SGCD: variants seen among roughly 807,000 people sequenced by gnomAD.
SGCD encodes the protein delta-sarcoglycan.
In SGCD, 18 loss-of-function variants were observed where a neutral mutation model predicts 36.6. The ratio of observed to expected loss-of-function variants is 0.49; its 90% confidence interval spans 0.34 to 0.73. The LOEUF (loss-of-function observed/expected upper bound fraction) is 0.73, where lower values mean the gene tolerates loss of function less well. Ranked by LOEUF, SGCD falls within the 30% of genes least tolerant of loss-of-function variation. The probability of loss-of-function intolerance (pLI) is 0.01; values close to 1 mark genes in which losing one functional copy is unlikely to be tolerated. For synonymous variants in SGCD, 133 were observed against 130.6 expected (o/e 1.02, Z -0.12); for missense variants, 387 against 346.7 (o/e 1.12, Z -0.92).
chr5:156,644,392 T>C (rs1763153305), intron 6 of SGCD, among the ~76,000 whole-genome samples: 1 of 152,152 alleles, frequency 6.6e-6, no homozygotes, highest in Non-Finnish European at 1.5e-5. Context: ...GGTCAGTCTT[T>C]GGAGTTTTAA....
At chr5:155,849,322 C>G in the SGCD span, among the ~76,000 whole-genome samples, 2 of 152,048 alleles carry the variant, frequency 1.3e-5, no homozygotes, top group East Asian at 3.9e-4. Flanking sequence ...GCTAAAAATG[C>G]TAATTTTTAA....
intron 1 of SGCD, among the ~76,000 whole-genome samples, chr5:156,071,383 G>T (rs1437967992): frequency 3.3e-4 from 50 of 152,050 alleles, no homozygotes; most frequent in East Asian, 1.7e-3. Context: ...TTCATTTCGT[G>T]ATGTACCCAG....
At chr5:156,705,604 T>C (rs539167963) in intron 7 of SGCD, among the ~76,000 whole-genome samples, 12 of 152,288 alleles carry the variant, frequency 7.9e-5, no homozygotes, top group African/African-American at 2.9e-4. Context: ...CCTTTTGATC[T>C]GCAAATGGAG....
At position 156,526,262 on chromosome 5, in the gene SGCD, A is replaced by G. The variant is rs189044242; in HGVS notation, c.294+17560A>G. On this transcript the variant is annotated intron_variant, in intron 4 of 8. Coordinates refer to ENST00000337851, the MANE Select transcript of SGCD (RefSeq NM_000337.6). ...GGATTCTGAGTGCTGTTTATGAGGG[A>G]AAAAAAAAGTGAGAACTATCATGGG... is the stretch of plus-strand genomic sequence containing the variant. Among the ~76,000 whole-genome samples, 502 of 145,054 alleles carry G rather than the reference A, an allele frequency of 3.5e-3. 4 individuals carry two copies. Among genetic ancestry groups the G allele is most frequent in the African/African-American group, 0.012 (465 of 37,290 alleles).
chr5:156,375,325 T>C lies in SGCD; in HGVS notation c.192+30648T>C, dbSNP rs536178439. 3.9e-5 allele frequency among the ~76,000 whole-genome samples: 6 copies of C among 152,154 alleles called. No homozygotes were observed. The East Asian group carries it at 1.2e-3, about 29-fold the overall frequency. ...AAAATCTCAGGACACTTAAAATTGC[T>C]GTAATTCTATTATCTGATCCACAGT... On this transcript the variant is annotated intron_variant, in intron 3 of 8. Coordinates refer to ENST00000337851, the MANE Select transcript of SGCD (RefSeq NM_000337.6).
intron 6 of SGCD, among the ~76,000 whole-genome samples, chr5:156,605,281 A>G (rs1761384668): frequency 6.6e-6 from 1 of 151,788 alleles, no homozygotes; most frequent in Admixed American, 6.6e-5. Flanking sequence ...ATTCCCACCT[A>G]TGAGTGAGAA....
intron 1 of SGCD, among the ~76,000 whole-genome samples, chr5:155,962,972 C>A (rs1757821978): frequency 6.6e-6 from 1 of 152,086 alleles, no homozygotes; most frequent in Non-Finnish European, 1.5e-5. Flanking sequence ...TCTTTTGAGG[C>A]ACAAAAGAAA....
chr5:156,563,593 A>G (rs894075538), intron 4 of SGCD, among the ~76,000 whole-genome samples: 4 of 152,258 alleles, frequency 2.6e-5, no homozygotes, highest in Admixed American at 2.0e-4. Context: ...TCTTCAGACT[A>G]AATTACAGAG....
intron 1 of SGCD, among the ~76,000 whole-genome samples, chr5:156,096,441 A>G (rs1281665234): frequency 6.6e-6 from 1 of 152,212 alleles, no homozygotes; most frequent in African/African-American, 2.4e-5. Flanking sequence ...GGACTTAAGA[A>G]TGGGAGCTTG....
intron 3 of SGCD, among the ~76,000 whole-genome samples, chr5:156,429,519 T>C (rs1773834883): frequency 6.6e-6 from 1 of 151,956 alleles, no homozygotes; most frequent in Non-Finnish European, 1.5e-5. Flanking sequence ...TTGACATTAG[T>C]ATTAAGATGT....
chr5:156,426,899 T>C (rs190954143), intron 3 of SGCD, among the ~76,000 whole-genome samples: 103 of 152,312 alleles, frequency 6.8e-4, no homozygotes, highest in African/African-American at 2.3e-3. Flanking sequence ...TCCCTTGGTC[T>C]GTGTTCATAT....
chr5:155,989,560 G>C lies in SGCD; in HGVS notation c.-282+119136G>C, dbSNP rs79182184. On this transcript the variant is annotated intron_variant, in intron 1 of 9. Coordinates refer to the SGCD transcript ENST00000517913. ...CTCTCAAATCTCCTTTCCAATCAAAGACTGTGGATTTGAGTGCTACCAAGT... is the reference window on the plus strand; with the variant it reads ...CTCTCAAATCTCCTTTCCAATCAAACACTGTGGATTTGAGTGCTACCAAGT... Among the ~76,000 whole-genome samples, 573 of 152,150 alleles carry C rather than the reference G, an allele frequency of 3.8e-3. 1 individual carries two copies. Among genetic ancestry groups the C allele is most frequent in the African/African-American group, 0.013 (538 of 41,536 alleles).
rs1031113760 is a variant in SGCD at position 155,985,832 on chromosome 5, G to A, written c.-282+115408G>A. 6.6e-5 allele frequency among the ~76,000 whole-genome samples: 10 copies of A among 152,194 alleles called. No individual in the cohort carries two copies. The East Asian group carries it at 1.9e-3, about 29-fold the overall frequency. On this transcript the variant is annotated intron_variant, in intron 1 of 9. Transcript: ENST00000517913. ...CCATTTCCTGAGGAACTGGTGGACA[G>A]TTGTGCCTTTGGAGCTGTCCCTCAC...
intron 1 of SGCD, among the ~76,000 whole-genome samples, chr5:156,101,833 A>T (rs904646785): frequency 6.6e-6 from 1 of 151,824 alleles, no homozygotes; most frequent in Non-Finnish European, 1.5e-5. Flanking sequence ...GGAATCATAA[A>T]TTCTTTGATT....
rs1757602039 is a variant in SGCD, at chr5:156,766,950, A to G, written c.*7560A>G. On this transcript the variant is annotated 3_prime_UTR_variant, in exon 9 of 9. Coordinates refer to ENST00000337851, the MANE Select transcript of SGCD (RefSeq NM_000337.6). ...TAGAGCTCCTCACCATACCCAAAAG[A>G]CTCAGCCCCAGTGCCAGTGCTTTCC... 1 of 152,070 alleles carries G rather than the reference A, an allele frequency of 6.6e-6. No homozygotes were observed. Among genetic ancestry groups the G allele is most frequent in the Non-Finnish European group, 1.5e-5 (1 of 68,068 alleles). The allele number at this position is 152,070 out of a possible 1,614,324, so 9.4% of individuals were successfully genotyped here.
At chr5:156,529,713 GA>G (rs1178846091) in intron 4 of SGCD, among the ~76,000 whole-genome samples, 1 of 152,106 alleles carries the variant, frequency 6.6e-6, no homozygotes, top group African/African-American at 2.4e-5. Flanking sequence ...TTCAGAAGCT[GA>G]AAAAACTTTT....
intron 7 of SGCD, among the ~76,000 whole-genome samples, chr5:156,755,745 A>C (rs1178973803): frequency 2.6e-5 from 4 of 152,198 alleles, no homozygotes; most frequent in Admixed American, 2.6e-4. Context: ...GTGAGACCAC[A>C]GAAGAAAAAA....
intron 4 of SGCD, among the ~76,000 whole-genome samples, chr5:156,561,727 G>T (rs1301909460): frequency 1.3e-5 from 2 of 151,822 alleles, no homozygotes; most frequent in Admixed American, 6.6e-5. Context: ...ACCAATTTTT[G>T]TTCTATATCA....
intron 7 of SGCD, among the ~76,000 whole-genome samples, chr5:156,750,851 G>A (rs1020416710): frequency 4.6e-5 from 7 of 152,030 alleles, no homozygotes; most frequent in African/African-American, 1.7e-4. Flanking sequence ...ATAGGAGAAT[G>A]AGAAATACTT....
Sources: allele counts gnomAD v4.1 joint callset (sites outside exome capture counted in the v4.1 genomes callset), GRCh38; gene constraint gnomAD v4.1.1; transcripts MANE v1.5; gene names NCBI Gene and HGNC (gene_info 2026-07-23, HGNC 2026-07-21).